TMEM132B: variants seen among roughly 807,000 people sequenced by gnomAD.
TMEM132B encodes transmembrane protein 132B.
TMEM132B carries 18 observed loss-of-function variants against 90.8 expected under a neutral mutation model. The observed-to-expected ratio is 0.20, with a 90% CI of 0.14 to 0.29. The LOEUF is 0.29. Among genes scored for constraint, TMEM132B ranks in the 10% least tolerant of loss-of-function variants. The pLI is 1.00. For missense variants in TMEM132B, 1,096 were observed against 1,326.8 expected, an observed-to-expected ratio of 0.83 and a Z score of 2.70; for synonymous variants, 504 against 523.3, an observed-to-expected ratio of 0.96 and a Z score of 0.50.
At chr12:125,215,742 A>T (rs1051811106) in intron 1 of TMEM132B, among the ~76,000 whole-genome samples, 13 of 152,072 alleles carry the variant, frequency 8.5e-5, no homozygotes, top group African/African-American at 3.1e-4. Context: ...GGGTTTCACC[A>T]TGTTGCCCAG....
intron 2 of TMEM132B, among the ~76,000 whole-genome samples, chr12:125,355,837 C>T (rs955061268): frequency 6.6e-6 from 1 of 152,144 alleles, no homozygotes; most frequent in Non-Finnish European, 1.5e-5. Context: ...ACGTGCCATG[C>T]TGCTATTTCA....
intron 4 of TMEM132B, among the ~76,000 whole-genome samples, chr12:125,527,118 A>C (rs111174004): frequency 0.18 from 3,285 of 18,216 alleles, no homozygotes; most frequent in Admixed American, 0.2. Context: ...ACCCATCCAC[A>C]CTTCCATCCA....
intron 4 of TMEM132B, among the ~76,000 whole-genome samples, chr12:125,538,120 T>G (rs143579333): frequency 2.3e-3 from 343 of 152,312 alleles, no homozygotes; most frequent in Non-Finnish European, 3.4e-3. Context: ...CTGATTTGGA[T>G]GGAAACATTG....
chr12:125,527,771 G>A (rs373363100), intron 4 of TMEM132B, among the ~76,000 whole-genome samples: 1 of 149,778 alleles, frequency 6.7e-6, no homozygotes, highest in Non-Finnish European at 1.5e-5. Context: ...TTCCATCTAC[G>A]CATCTACTTT....
chr12:125,265,093 GATAAGC>G (rs1351259827), intron 1 of TMEM132B, among the ~76,000 whole-genome samples: 1 of 152,158 alleles, frequency 6.6e-6, no homozygotes. Context: ...GCAGCCCAGG[GATAAGC>G]ATTTGTGTAT....
intron 1 of TMEM132B, among the ~76,000 whole-genome samples, chr12:125,335,445 G>C (rs1308107143): frequency 6.6e-6 from 1 of 152,184 alleles, no homozygotes; most frequent in Non-Finnish European, 1.5e-5. Flanking sequence ...GAGCCAATAA[G>C]AACAGGCATC....
At chr12:125,531,073 A>G (rs1397679488) in intron 4 of TMEM132B, among the ~76,000 whole-genome samples, 1 of 152,226 alleles carries the variant, frequency 6.6e-6, no homozygotes. Context: ...TCACTCAGCT[A>G]CACAATACTC....
At position 125,302,458 on chromosome 12, in the gene TMEM132B, T is replaced by C. The variant is rs111500183; in HGVS notation, c.68-46994T>C. 4.1e-3 allele frequency among the ~76,000 whole-genome samples: 619 copies of C among 152,098 alleles called. 5 individuals carry two copies. The highest frequency in any genetic ancestry group is 0.014 in the African/African-American group (597 of 41,496). ...CCTGCAGAGGGATGTGTTAGACAAA[T>C]GCTTACTGCTCTAAGCCACTGAGTT... is the stretch of plus-strand genomic sequence containing the variant. On this transcript the variant is annotated intron_variant, in intron 1 of 8. Coordinates refer to ENST00000682704, the MANE Select transcript of TMEM132B (RefSeq NM_001366854.1).
intron 5 of TMEM132B, among the ~76,000 whole-genome samples, chr12:125,590,078 C>A (rs953965282): frequency 6.6e-6 from 1 of 152,048 alleles, no homozygotes; most frequent in Non-Finnish European, 1.5e-5. Context: ...CTCCTCACTC[C>A]CTCTCTGACC....
chr12:125,194,283 A>C (rs1872878366), intron 1 of TMEM132B, among the ~76,000 whole-genome samples: 1 of 148,886 alleles, frequency 6.7e-6, no homozygotes, highest in Non-Finnish European at 1.5e-5. Context: ...GGGGGGTCTT[A>C]CTCATTGTGG....
At chr12:125,347,956 AAGC>A (rs926718433) in intron 1 of TMEM132B, among the ~76,000 whole-genome samples, 1 of 152,268 alleles carries the variant, frequency 6.6e-6, no homozygotes, top group African/African-American at 2.4e-5. Context: ...AATTAAAAGA[AAGC>A]AGAAACATAA....
intron 4 of TMEM132B, among the ~76,000 whole-genome samples, chr12:125,573,499 A>T (rs192399195): frequency 7.9e-5 from 12 of 152,224 alleles, no homozygotes; most frequent in African/African-American, 2.9e-4. Context: ...CTAGAATTCA[A>T]TCTGTGTTTA....
At chr12:125,316,119 CA>C (rs1876264753) in intron 1 of TMEM132B, among the ~76,000 whole-genome samples, 1 of 152,226 alleles carries the variant, frequency 6.6e-6, no homozygotes, top group African/African-American at 2.4e-5. Flanking sequence ...GAAGAGGGCT[CA>C]TTACCTCCTC....
chr12:125,215,535 C>A (rs1873413855), intron 1 of TMEM132B, among the ~76,000 whole-genome samples: 1 of 152,098 alleles, frequency 6.6e-6, no homozygotes, highest in African/African-American at 2.4e-5. Context: ...AACTCTCCTG[C>A]CTCTTTTCTT....
chr12:125,221,461 C>T (rs1873555226), intron 1 of TMEM132B, among the ~76,000 whole-genome samples: 1 of 152,080 alleles, frequency 6.6e-6, no homozygotes. Context: ...TATATCCAGG[C>T]CCCCGAAAAA....
In TMEM132B at chr12:125,349,070, G is replaced by T. The variant is rs535657214; in HGVS notation, c.68-382G>T. Reference sequence around the variant, plus strand: ...AAGGCACTAACGTGTCACATACAATGGTGCAATGCCTGATTGGTAGACTTG... The same window carrying T: ...AAGGCACTAACGTGTCACATACAATTGTGCAATGCCTGATTGGTAGACTTG... On this transcript the variant is annotated intron_variant, in intron 1 of 8. Transcript: ENST00000682704. This position sits in a 1 kb window ranked among gnomAD's most constrained non-coding sequence, Gnocchi z 4.1. Among the ~76,000 whole-genome samples, 2 of 152,312 alleles carry T rather than the reference G, an allele frequency of 1.3e-5. No individual in the cohort carries two copies. The highest frequency in any genetic ancestry group is 4.8e-5 in the African/African-American group (2 of 41,576).
chr12:125,386,449 C>T (rs983650093), intron 2 of TMEM132B, among the ~76,000 whole-genome samples: 5 of 152,208 alleles, frequency 3.3e-5, no homozygotes, highest in African/African-American at 9.7e-5. Flanking sequence ...TAGGGAGTGG[C>T]ATACTGTGAT....
At chr12:125,281,659 G>A (rs956510370) in intron 1 of TMEM132B, among the ~76,000 whole-genome samples, 2 of 152,140 alleles carry the variant, frequency 1.3e-5, no homozygotes, top group South Asian at 4.1e-4. Flanking sequence ...CCTTGGATTA[G>A]GGATGAGGGT....
intron 2 of TMEM132B, among the ~76,000 whole-genome samples, chr12:125,360,462 T>G (rs1189501520): frequency 6.6e-6 from 1 of 152,170 alleles, no homozygotes; most frequent in Non-Finnish European, 1.5e-5. Context: ...TAGTCAACAA[T>G]ATGAAGAGGT....
Sources: gnomAD v4.1 joint callset for allele counts (sites outside exome capture counted in the v4.1 genomes callset) on GRCh38, gnomAD v4.1.1 for gene constraint, Gnocchi (gnomAD v3.1) non-coding constraint, MANE v1.5 for transcripts, NCBI Gene and HGNC (gene_info 2026-07-23, HGNC 2026-07-21) for gene names.